Variants in AIM2 observed in about 807,000 individuals in gnomAD.
The protein encoded by AIM2 is interferon-inducible protein AIM2.
In AIM2, 30 loss-of-function variants were observed where a neutral mutation model predicts 27.7. The observed-to-expected ratio is 1.08, with a 90% CI of 0.81 to 1.47. AIM2 has a LOEUF of 1.47. Among genes scored for constraint, AIM2 ranks in the 40% most tolerant of loss-of-function variants. The pLI, the probability that AIM2 is intolerant of heterozygous loss-of-function variation, is 0.00. For missense variants in AIM2, 358 were observed against 411.3 expected (o/e 0.87, Z 1.12); for synonymous variants, 141 against 145.3 (o/e 0.97, Z 0.21).
intron 1 of AIM2, among the ~76,000 whole-genome samples, chr1:159,103,855 C>T (rs1156570668): frequency 6.6e-6 from 1 of 152,096 alleles, no homozygotes; most frequent in Non-Finnish European, 1.5e-5. Context: ...CTCCCAAATT[C>T]ACCCACGCCA....
At chr1:159,087,012 C>T (rs899600153) in intron 1 of AIM2, among the ~76,000 whole-genome samples, 13 of 152,154 alleles carry the variant, frequency 8.5e-5, no homozygotes, top group Non-Finnish European at 1.5e-4. Flanking sequence ...AGACTCACCA[C>T]CTTAAAACTC....
intron 4 of AIM2, 69 bp downstream of exon 4, chr1:159,065,841 T>A (rs1423930293): frequency 1.4e-6 from 2 of 1,473,466 alleles, no homozygotes; most frequent in East Asian, 4.6e-5. Context: ...ATTTCCAAAG[T>A]TTCTTTAAGA....
the AIM2 span, among the ~76,000 whole-genome samples, chr1:159,055,627 G>A: frequency 6.6e-6 from 1 of 152,150 alleles, no homozygotes; most frequent in Non-Finnish European, 1.5e-5. Context: ...CCCTGTTCTC[G>A]CAATCCACTA....
intron 1 of AIM2, among the ~76,000 whole-genome samples, chr1:159,106,537 C>T (rs908391372): frequency 3.3e-5 from 5 of 152,166 alleles, no homozygotes; most frequent in South Asian, 2.1e-4. Flanking sequence ...CTTCTGAAAG[C>T]CTTGTAGAAA....
intron 1 of AIM2, among the ~76,000 whole-genome samples, chr1:159,103,198 T>C (rs1169609647): frequency 6.6e-6 from 1 of 152,176 alleles, no homozygotes; most frequent in African/African-American, 2.4e-5. Context: ...CTGGCACTCA[T>C]TCTGTCTCCT....
downstream of AIM2, among the ~76,000 whole-genome samples, chr1:159,060,088 G>A (rs1239406143): frequency 6.6e-6 from 1 of 152,072 alleles, no homozygotes; most frequent in African/African-American, 2.4e-5. Context: ...CGACATTTTA[G>A]GTTAAATACC....
upstream of AIM2, among the ~76,000 whole-genome samples, chr1:159,079,703 C>T (rs1236951181): frequency 6.6e-6 from 1 of 152,118 alleles, no homozygotes; most frequent in Non-Finnish European, 1.5e-5. Context: ...ATCATTATCA[C>T]CCAGACTCCA....
At chr1:159,093,881 G>A (rs1188262320) in intron 1 of AIM2, among the ~76,000 whole-genome samples, 13 of 146,828 alleles carry the variant, frequency 8.9e-5, no homozygotes, top group South Asian at 2.2e-4. Context: ...GATCACAGGC[G>A]CCTACCACCA....
chr1:159,095,771 C>CA (rs1657167071), intron 1 of AIM2, among the ~76,000 whole-genome samples: 1 of 152,084 alleles, frequency 6.6e-6, no homozygotes, highest in Non-Finnish European at 1.5e-5. Context: ...CAATATCATA[C>CA]ATTGTATATT....
intron 4 of AIM2, among the ~76,000 whole-genome samples, chr1:159,065,384 C>T (rs116356612): frequency 1.3e-5 from 2 of 152,116 alleles, no homozygotes; most frequent in Non-Finnish European, 2.9e-5. Context: ...TGTCTTCCCC[C>T]AGTTTGCATT....
intron 1 of AIM2, among the ~76,000 whole-genome samples, chr1:159,146,799 T>G (rs1396737494): frequency 6.6e-6 from 1 of 152,166 alleles, no homozygotes; most frequent in Non-Finnish European, 1.5e-5. Flanking sequence ...GTCGTTAAAA[T>G]CTACTGCTTG....
In AIM2 at chr1:159,073,179, AG is replaced by A. The variant is rs1236894868; in HGVS notation, c.262+58del. On this transcript the variant is annotated intron_variant, in intron 2 of 5. Coordinates refer to ENST00000368130, the MANE Select transcript of AIM2 (RefSeq NM_004833.3). Reference sequence around the variant, plus strand: ...GGTCATATCCCAGGGATGCCATGAAAGGAAAGGCCCAGGCTTGGCAGAAAAA... The same window carrying A: ...GGTCATATCCCAGGGATGCCATGAAAGAAAGGCCCAGGCTTGGCAGAAAAA... 4 of 1,596,196 alleles carry A rather than the reference AG, an allele frequency of 2.5e-6. No individual in the cohort carries two copies. The African/African-American group carries it at 5.4e-5, about 21-fold the overall frequency.
Position 159,111,929 on chromosome 1 carries a change from C to T in AIM2, c.-16+28502G>A, listed in dbSNP as rs187992262. Among the ~76,000 whole-genome samples the T allele has an allele frequency of 2.6e-3, 391 of 151,676 alleles. 4 individuals carry two copies. The highest frequency in any genetic ancestry group is 8.9e-3 in the African/African-American group (369 of 41,278). ...TGGTGGTGGGCACCTGTAAATCCAGCCACTTGGGAATTTGAGGCTCAAGAA... is the reference window on the plus strand; with the variant it reads ...TGGTGGTGGGCACCTGTAAATCCAGTCACTTGGGAATTTGAGGCTCAAGAA... On this transcript the variant is annotated intron_variant, in intron 1 of 2. Coordinates refer to the AIM2 transcript ENST00000368129.
At chr1:159,059,817 C>T (rs1418178612), downstream of AIM2, among the ~76,000 whole-genome samples, 1 of 152,100 alleles carries the variant, frequency 6.6e-6, no homozygotes, top group African/African-American at 2.4e-5. Flanking sequence ...AAGAATTTGC[C>T]TCTTCAATTT....
At chr1:159,056,357 A>T in the AIM2 span, among the ~76,000 whole-genome samples, 1 of 151,712 alleles carries the variant, frequency 6.6e-6, no homozygotes, top group Non-Finnish European at 1.5e-5. Context: ...TTCTCTGGGG[A>T]CCCCTTCCCA....
At chr1:159,094,612 C>G (rs979482808) in intron 1 of AIM2, among the ~76,000 whole-genome samples, 3 of 152,162 alleles carry the variant, frequency 2.0e-5, no homozygotes, top group African/African-American at 7.2e-5. Context: ...GCTGGAGAAT[C>G]GCTTGAAACT....
In AIM2 at chr1:159,104,307, C is replaced by A. The variant is rs115837177; in HGVS notation, c.-16+36124G>T. 7.7e-3 allele frequency among the ~76,000 whole-genome samples: 1,166 copies of A among 152,196 alleles called. 7 individuals are homozygous for A. Among genetic ancestry groups the A allele is most frequent in the Admixed American group, 0.011 (175 of 15,290 alleles). ...GGCATGGACTCCAAACCCACACTGC[C>A]CACAGCAGCAGCCATAAGCCACACA... On this transcript the variant is annotated intron_variant, in intron 1 of 2. Transcript: ENST00000368129.
chr1:159,089,535 C>T (rs2102007482), intron 1 of AIM2, among the ~76,000 whole-genome samples: 1 of 152,344 alleles, frequency 6.6e-6, no homozygotes, highest in East Asian at 1.9e-4. Flanking sequence ...AACCCCCTTA[C>T]CTACAGGCTC....
At chr1:159,080,514 C>T (rs1272814075), upstream of AIM2, among the ~76,000 whole-genome samples, 1 of 152,126 alleles carries the variant, frequency 6.6e-6, no homozygotes, top group Non-Finnish European at 1.5e-5. Context: ...AAAGCAAACA[C>T]CTCAATGCAA....
Sources: gnomAD v4.1 joint callset for allele counts (sites outside exome capture counted in the v4.1 genomes callset) on GRCh38, gnomAD v4.1.1 for gene constraint, MANE v1.5 for transcripts, NCBI Gene and HGNC (gene_info 2026-07-23, HGNC 2026-07-21) for gene names.